DMD: variants seen among roughly 807,000 people sequenced by gnomAD.
DMD encodes the protein dystrophin.
A neutral mutation model predicts 330.1 loss-of-function variants in DMD; 63 were observed. The ratio of observed to expected loss-of-function variants is 0.19; its 90% confidence interval spans 0.16 to 0.24. The LOEUF (loss-of-function observed/expected upper bound fraction) is 0.24, where lower values mean the gene tolerates loss of function less well. Among genes scored for constraint, DMD ranks in the 10% least tolerant of loss-of-function variants. The pLI is 1.00. For synonymous variants in DMD, 1,223 were observed against 959.8 expected, an observed-to-expected ratio of 1.27 and a Z score of -5.07; for missense variants, 3,344 against 2,684.1, an observed-to-expected ratio of 1.25 and a Z score of -5.43.
At chrX:32,371,792 A>G (rs1047254905) in intron 34 of DMD, among the ~76,000 whole-genome samples, 3 of 111,588 alleles carry the variant, frequency 2.7e-5, no homozygotes, top group Non-Finnish European at 5.7e-5. Context: ...TAAGATACTA[A>G]CAAACAATAT....
At chrX:31,343,371 T>C (rs1331407192) in intron 61 of DMD, among the ~76,000 whole-genome samples, 1 of 111,289 alleles carries the variant, frequency 9.0e-6, no homozygotes, top group African/African-American at 3.3e-5. Context: ...GACAAGTTAG[T>C]GTCTATCAGC....
chrX:32,722,739 A>G (rs946447632), intron 7 of DMD, among the ~76,000 whole-genome samples: 5 of 110,441 alleles, frequency 4.5e-5, no homozygotes, highest in African/African-American at 1.6e-4. Context: ...AATTTTTTGG[A>G]TATCTTTTGC....
chrX:31,180,832 G>A (rs1437318671), intron 68 of DMD, among the ~76,000 whole-genome samples: 1 of 111,917 alleles, frequency 8.9e-6, no homozygotes, highest in Non-Finnish European at 1.9e-5. Flanking sequence ...TTCCAGGAGC[G>A]ACAGACTTAC....
At chrX:31,502,408 C>T (rs1157272467) in intron 56 of DMD, among the ~76,000 whole-genome samples, 1 of 110,355 alleles carries the variant, frequency 9.1e-6, no homozygotes, top group African/African-American at 3.3e-5. Flanking sequence ...ATTCAATGTC[C>T]AAGTTGCAGT....
intron 5 of DMD, among the ~76,000 whole-genome samples, chrX:32,820,524 C>A (rs972531829): frequency 8.9e-6 from 1 of 112,126 alleles, no homozygotes; most frequent in Non-Finnish European, 1.9e-5. Context: ...GTCTTGAAAG[C>A]TTATCTTGGA....
At chrX:32,783,114 A>G (rs1185261495) in intron 7 of DMD, among the ~76,000 whole-genome samples, 1 of 101,736 alleles carries the variant, frequency 9.8e-6, no homozygotes, top group Non-Finnish European at 2.0e-5. Context: ...ATACACACAC[A>G]CCATATGTAT....
intron 1 of DMD, among the ~76,000 whole-genome samples, chrX:33,253,700 C>T (rs1035844364): frequency 2.7e-5 from 3 of 110,824 alleles, no homozygotes; most frequent in African/African-American, 6.5e-5. Context: ...GATGGCCTCT[C>T]GATATTTTAC....
intron 1 of DMD, among the ~76,000 whole-genome samples, chrX:33,319,869 G>T (rs936592836): frequency 3.6e-5 from 4 of 111,527 alleles, no homozygotes; most frequent in African/African-American, 1.3e-4. Flanking sequence ...CATTGTTTGT[G>T]GTGAAATAGA....
intron 62 of DMD, among the ~76,000 whole-genome samples, chrX:31,295,859 C>T (rs932662623): frequency 8.9e-6 from 1 of 112,065 alleles, no homozygotes; most frequent in Non-Finnish European, 1.9e-5. Flanking sequence ...AATATACTTA[C>T]AAGAAAAATT....
intron 43 of DMD, among the ~76,000 whole-genome samples, chrX:32,249,864 C>A (rs943801714): frequency 1.3e-4 from 14 of 111,684 alleles, no homozygotes; most frequent in African/African-American, 4.6e-4. Context: ...CTCAGAGATG[C>A]TTCCTTGGCT....
At chrX:31,775,771 C>T (rs2090617797) in intron 50 of DMD, among the ~76,000 whole-genome samples, 1 of 111,126 alleles carries the variant, frequency 9.0e-6, no homozygotes, top group African/African-American at 3.3e-5. Flanking sequence ...TTAAGGTTGT[C>T]TCCTCATTAG....
intron 17 of DMD, among the ~76,000 whole-genome samples, chrX:32,521,166 A>G (rs1259190638): frequency 2.7e-5 from 3 of 111,320 alleles, no homozygotes; most frequent in Non-Finnish European, 3.8e-5. Context: ...GAGTCCATCC[A>G]ATTTCTAGTA....
At position 32,485,071 on chromosome X, in the gene DMD, T is replaced by C; in HGVS notation, c.2651A>G (p.Gln884Arg). 1 of 1,211,090 alleles carries C rather than the reference T, an allele frequency of 8.3e-7. No homozygotes were observed. The highest frequency in any genetic ancestry group is 1.8e-5 in the South Asian group (1 of 56,989). ...AATTTTTAATCGTTCAATTTGAGGT[T>C]GAAGATCTGATAGCCGGTTGACTTC... ...KDEVNRLSDL[Q>R]PQIERLKIQS... is the part of the protein sequence containing the mutation. The change falls in exon 21 of 79, where the codon CAA becomes CGA. Residue 884 changes from glutamine to arginine, a missense_variant. Coordinates refer to ENST00000357033, the MANE Select transcript of DMD (RefSeq NM_004006.3).
At chrX:31,124,197 C>CTATAAAAATAAAGAACTTT (rs2033278639) in intron 78 of DMD, among the ~76,000 whole-genome samples, 2 of 112,317 alleles carry the variant, frequency 1.8e-5, no homozygotes, top group South Asian at 7.4e-4. Context: ...CATCTTTGTG[C>CTATAAAAATAAAGAACTTT]TATAAAAATA....
intron 44 of DMD, among the ~76,000 whole-genome samples, chrX:32,175,691 G>A (rs1466258082): frequency 9.0e-6 from 1 of 110,771 alleles, no homozygotes; most frequent in African/African-American, 3.3e-5. Flanking sequence ...CCTAGCCTTT[G>A]TATCTTCCTT....
At chrX:31,248,263 A>G (rs2049017886) in intron 63 of DMD, among the ~76,000 whole-genome samples, 1 of 112,552 alleles carries the variant, frequency 8.9e-6, no homozygotes, top group Admixed American at 9.4e-5. Flanking sequence ...CTTTATTGTG[A>G]TATTTGCTTT....
chrX:31,293,797 C>T (rs762870228), intron 62 of DMD, among the ~76,000 whole-genome samples: 7 of 111,867 alleles, frequency 6.3e-5, no homozygotes, highest in Non-Finnish European at 9.4e-5. Flanking sequence ...ATCAGTTAAT[C>T]GACTAAGTAA....
chrX:32,908,039 A>G (rs1452682285), intron 2 of DMD, among the ~76,000 whole-genome samples: 2 of 111,503 alleles, frequency 1.8e-5, no homozygotes, highest in African/African-American at 6.5e-5. Context: ...ATTTGATATT[A>G]ACTTTCTGCT....
chrX:32,495,072 A>G (rs1475170513), intron 19 of DMD, among the ~76,000 whole-genome samples: 2 of 112,018 alleles, frequency 1.8e-5, no homozygotes, highest in East Asian at 5.6e-4. Context: ...AAACGAAAAC[A>G]TTTCAAAAAA....
Sources: gnomAD v4.1 joint callset for allele counts (sites outside exome capture counted in the v4.1 genomes callset) on GRCh38, gnomAD v4.1.1 for gene constraint, MANE v1.5 for transcripts, NCBI Gene and HGNC (gene_info 2026-07-23, HGNC 2026-07-21) for gene names.